Variants in ABR observed in about 807,000 individuals in gnomAD.
ABR encodes ABR activator of RhoGEF and GTPase.
Under a neutral mutation model 107.2 loss-of-function variants are expected in ABR, and 35 were observed. The ratio of observed to expected loss-of-function variants is 0.33; its 90% CI spans 0.25 to 0.43. The LOEUF is 0.43. ABR is among the 20% of genes least tolerant of loss of function. The probability of loss-of-function intolerance (pLI) is 1.00; values close to 1 mark genes in which losing one functional copy is unlikely to be tolerated. For synonymous variants in ABR, 498 were observed against 462.0 expected (o/e 1.08, Z -1.00); for missense variants, 815 against 1,115.2 (o/e 0.73, Z 3.83).
At chr17:1,034,570 T>C (rs2073028794) in intron 16 of ABR, among the ~76,000 whole-genome samples, 1 of 152,114 alleles carries the variant, frequency 6.6e-6, no homozygotes, top group South Asian at 2.1e-4. Flanking sequence ...GGGGAAGGCT[T>C]CCTGGAGGAG....
chr17:1,007,429 T>A, intron 21 of ABR, 117 bp from the exon 22 acceptor site: 1 of 1,273,086 alleles, frequency 7.9e-7, no homozygotes, highest in Non-Finnish European at 1.1e-6. Flanking sequence ...GGTCACCTCG[T>A]CTCTGTCTCC....
At chr17:1,068,724 T>G (rs1310683049) in intron 9 of ABR, among the ~76,000 whole-genome samples, 1 of 152,058 alleles carries the variant, frequency 6.6e-6, no homozygotes, top group Admixed American at 6.6e-5. Flanking sequence ...AGTCCCACCC[T>G]CCCGGGTAGA....
intron 1 of ABR, among the ~76,000 whole-genome samples, chr17:1,175,534 CT>C (rs2041889645): frequency 6.6e-6 from 1 of 152,194 alleles, no homozygotes; most frequent in African/African-American, 2.4e-5. Flanking sequence ...GACACAAGAA[CT>C]GGGGGATGTC....
At chr17:1,207,613 C>CA (rs1442536732) in intron 1 of ABR, among the ~76,000 whole-genome samples, 1 of 137,654 alleles carries the variant, frequency 7.3e-6, no homozygotes, top group Non-Finnish European at 1.5e-5. Context: ...GGCGCCAGTA[C>CA]ACTCCAGCCT....
rs1162728776 is a variant in ABR at position 1,078,767 on chromosome 17, C to A, written c.700+563G>T. ...ATCTAAGCCCACTCCAGCCGGCCCC[C>A]AGAGGTGGGAGGGTCCGCCACCTCC... On this transcript the variant is annotated intron_variant, in intron 6 of 22. Coordinates refer to ENST00000302538, the MANE Select transcript of ABR (RefSeq NM_021962.5). The surrounding 1 kb of genome is among the most constrained non-coding windows in gnomAD (Gnocchi z 7.5). The A allele has an allele frequency of 6.5e-7, 1 of 1,528,554 alleles. No individual in the cohort carries two copies. Among genetic ancestry groups the A allele is most frequent in the Admixed American group, 2.0e-5 (1 of 50,894 alleles). The allele number at this position is 1,528,554 out of a possible 1,614,324, so 94.7% of individuals were successfully genotyped here. A position where few individuals can be genotyped will look rare whatever the true frequency, so the allele number is the denominator to read the frequency against.
chr17:1,031,131 C>T (rs1417624135), intron 16 of ABR, among the ~76,000 whole-genome samples: 3 of 152,176 alleles, frequency 2.0e-5, no homozygotes, highest in South Asian at 2.1e-4. Flanking sequence ...GCCCCCAGAC[C>T]CGGCAGCATC....
chr17:1,031,352 A>G (rs1250066600), intron 16 of ABR, among the ~76,000 whole-genome samples: 1 of 152,124 alleles, frequency 6.6e-6, no homozygotes, highest in African/African-American at 2.4e-5. Flanking sequence ...CCTGCCGAGA[A>G]GAAACCTCCC....
chr17:1,164,971 G>A (rs1307561204), intron 1 of ABR, among the ~76,000 whole-genome samples: 2 of 152,170 alleles, frequency 1.3e-5, no homozygotes, highest in Non-Finnish European at 2.9e-5. Flanking sequence ...ATTATTCATT[G>A]TTCATCTAAA....
rs189252266 is a variant in ABR at position 1,093,087 on chromosome 17, C to T, written c.346-1237G>A. ...CCACCCACCTCGGCCTCCCAAAGTG[C>T]TGGGATTACGGGCGTGAGCCACCGC... On this transcript the variant is annotated intron_variant, in intron 3 of 22. Coordinates refer to ENST00000302538, the MANE Select transcript of ABR (RefSeq NM_021962.5). Among the ~76,000 whole-genome samples the T allele has an allele frequency of 7.8e-3, 1,181 of 151,336 alleles. 9 individuals are homozygous for T. Among genetic ancestry groups the T allele is most frequent in the Middle Eastern group, 0.031 (9 of 294 alleles).
intron 9 of ABR, among the ~76,000 whole-genome samples, chr17:1,068,498 G>A (rs1327264901): frequency 6.6e-6 from 1 of 152,204 alleles, no homozygotes; most frequent in African/African-American, 2.4e-5. Flanking sequence ...TAGCCTGATG[G>A]TAAACGAGTC....
In ABR at chr17:1,059,520, CAGCCTGA is replaced by C. The variant is rs148276189; in HGVS notation, c.1183-660_1183-654del. On this transcript the variant is annotated intron_variant, in intron 10 of 22. Coordinates refer to ENST00000302538, the MANE Select transcript of ABR (RefSeq NM_021962.5). ...GCTTAAAGAAACCTCAGACACCTTT[CAGCCTGA>C]AGCCCCACCTGCTAGCCTGGCACCA... Among the ~76,000 whole-genome samples, 1,311 of 152,328 alleles carry C rather than the reference CAGCCTGA, an allele frequency of 8.6e-3. 24 individuals are homozygous for C. The highest frequency in any genetic ancestry group is 0.031 in the African/African-American group (1,272 of 41,566).
intron 1 of ABR, among the ~76,000 whole-genome samples, chr17:1,142,545 A>G (rs1347884623): frequency 6.6e-6 from 1 of 150,864 alleles, no homozygotes; most frequent in East Asian, 2.0e-4. Context: ...AGATCACACC[A>G]TTGCACTCCA....
intron 16 of ABR, among the ~76,000 whole-genome samples, chr17:1,041,505 C>A (rs1352436255): frequency 6.6e-6 from 1 of 151,870 alleles, no homozygotes; most frequent in Non-Finnish European, 1.5e-5. Flanking sequence ...GAGGCTGAGG[C>A]GGGTGGATCA....
intron 6 of ABR, chr17:1,079,056 G>A (rs1597713235): frequency 1.6e-6 from 2 of 1,259,540 alleles, no homozygotes; most frequent in Non-Finnish European, 2.1e-6. Context: ...AGGGGAAGGG[G>A]AGGAGGGGTA....
chr17:1,020,771 A>G (rs1315596524), intron 16 of ABR, among the ~76,000 whole-genome samples: 1 of 152,188 alleles, frequency 6.6e-6, no homozygotes. Flanking sequence ...GCTGAGTTTC[A>G]GGAACATCCT....
Position 1,222,858 on chromosome 17 carries a change from G to A in ABR, c.838+5935C>T, listed in dbSNP as rs146284124. ...TAGGAGGTGGAGGCTGCAGTGAGCT[G>A]TGTTCATGCCACTGCACTCCAGCTT... On this transcript the variant is annotated intron_variant, in intron 1 of 22. Transcript: ENST00000574139. Among the ~76,000 whole-genome samples, 1,135 of 152,242 alleles carry A rather than the reference G, an allele frequency of 7.5e-3. 3 individuals carry two copies. Among genetic ancestry groups the A allele is most frequent in the Middle Eastern group, 0.017 (5 of 294 alleles).
At chr17:1,059,242 C>T (rs1235442530) in intron 10 of ABR, among the ~76,000 whole-genome samples, 5 of 152,138 alleles carry the variant, frequency 3.3e-5, no homozygotes, top group African/African-American at 7.2e-5. Context: ...CCAGGGCTGC[C>T]GACATAACGG....
In ABR at chr17:1,065,789, A is replaced by C. The variant is rs967049560; in HGVS notation, c.1182+1288T>G. Among the ~76,000 whole-genome samples, 22 of 133,740 alleles carry C rather than the reference A, an allele frequency of 1.6e-4. 1 individual carries two copies. The highest frequency in any genetic ancestry group is 6.3e-4 in the Admixed American group (7 of 11,108). 87.7% of individuals were successfully genotyped at this position (133,740 alleles called of 152,430 possible). A position where few individuals can be genotyped will look rare whatever the true frequency, so the allele number is the denominator to read the frequency against. On this transcript the variant is annotated intron_variant, in intron 10 of 22. Transcript: ENST00000302538. ...TTGAGACAGTCTCACTCTGTTGCTCAGGCTGGAGTGCAGCAGCGGAATCTC... is the reference window on the plus strand; with the variant it reads ...TTGAGACAGTCTCACTCTGTTGCTCCGGCTGGAGTGCAGCAGCGGAATCTC...
In ABR at chr17:1,050,669, G is replaced by A. The variant is rs2032374144; in HGVS notation, c.1562-35C>T. The A allele has an allele frequency of 1.3e-6, 2 of 1,582,832 alleles. No homozygotes were observed. The highest frequency in any genetic ancestry group is 1.7e-6 in the Non-Finnish European group (2 of 1,152,412). ...AAGGACAGACGGAGATACTGAGTGA[G>A]TGGGGCCAGGGTGGGGCAGCTGGGG... On this transcript the variant is annotated intron_variant, in intron 14 of 22. Transcript: ENST00000302538. This position sits in a 1 kb window ranked among gnomAD's most constrained non-coding sequence, Gnocchi z 4.6.
Sources: allele counts gnomAD v4.1 joint callset (sites outside exome capture counted in the v4.1 genomes callset), GRCh38; gene constraint gnomAD v4.1.1; non-coding constraint Gnocchi (gnomAD v3.1); transcripts MANE v1.5; gene names NCBI Gene and HGNC (gene_info 2026-07-23, HGNC 2026-07-21).